The following AGAP1 variants were observed in gnomAD, a reference collection of about 807,000 sequenced individuals.
AGAP1 encodes the protein ArfGAP with GTPase domain, ankyrin repeat and PH domain 1.
AGAP1 carries 29 observed loss-of-function variants against 105.3 expected under a neutral mutation model. The ratio of observed to expected loss-of-function variants is 0.28; its 90% confidence interval spans 0.21 to 0.38. The LOEUF is 0.38. Among genes scored for constraint, AGAP1 ranks in the 10% least tolerant of loss-of-function variants. The pLI, the probability that AGAP1 is intolerant of heterozygous loss-of-function variation, is 1.00. For synonymous variants in AGAP1, 509 were observed against 485.9 expected, an observed-to-expected ratio of 1.05 and a Z score of -0.63; for missense variants, 998 against 1,165.1, an observed-to-expected ratio of 0.86 and a Z score of 2.09.
intron 1 of AGAP1, among the ~76,000 whole-genome samples, chr2:235,532,384 T>C (rs1258336324): frequency 6.6e-6 from 1 of 152,146 alleles, no homozygotes; most frequent in East Asian, 1.9e-4. Context: ...ACCTAGCTAA[T>C]TTTTGTATTT....
rs545178110 is a variant in AGAP1, at chr2:235,551,093, A to C, written c.163+56244A>C. On this transcript the variant is annotated intron_variant, in intron 1 of 17. Transcript: ENST00000304032. The surrounding 1 kb of genome is among the most constrained non-coding windows in gnomAD (Gnocchi z 4.8). The stretch of plus-strand genomic sequence containing the variant: ...TCGGCCATAGATAGTGTTTCTTAAG[A>C]GTGAGTTTGCTTCTGAGGAAGAGAA... Among the ~76,000 whole-genome samples, 1 of 152,128 alleles carries C rather than the reference A, an allele frequency of 6.6e-6. No individual in the cohort carries two copies. Among genetic ancestry groups the C allele is most frequent in the East Asian group, 2.0e-4 (1 of 5,124 alleles).
At position 235,908,403 on chromosome 2, in the gene AGAP1, G is replaced by A. The variant is rs1275724604; in HGVS notation, c.1156-335G>A. Among the ~76,000 whole-genome samples, 2 of 152,156 alleles carry A rather than the reference G, an allele frequency of 1.3e-5. No individual in the cohort carries two copies. Among genetic ancestry groups the A allele is most frequent in the Non-Finnish European group, 2.9e-5 (2 of 68,028 alleles). On this transcript the variant is annotated intron_variant, in intron 10 of 17. Coordinates refer to ENST00000304032, the MANE Select transcript of AGAP1 (RefSeq NM_001037131.3). This position sits in a 1 kb window ranked among gnomAD's most constrained non-coding sequence, Gnocchi z 4.4. ...ATTTTACTTGGAATTTATAGGAGGAGCCTAATGTACCCTCTGATAAGCAAG... is the reference window on the plus strand; with the variant it reads ...ATTTTACTTGGAATTTATAGGAGGAACCTAATGTACCCTCTGATAAGCAAG...
At chr2:235,933,389 C>T (rs2052820584) in intron 12 of AGAP1, among the ~76,000 whole-genome samples, 1 of 152,072 alleles carries the variant, frequency 6.6e-6, no homozygotes, top group Non-Finnish European at 1.5e-5. Context: ...TGTTGAGAGC[C>T]CAGCACTGCC....
At chr2:235,968,870 G>A (rs1328252191) in intron 13 of AGAP1, among the ~76,000 whole-genome samples, 2 of 152,114 alleles carry the variant, frequency 1.3e-5, no homozygotes, top group Admixed American at 6.5e-5. Context: ...TAGCGGGTAG[G>A]AGTGCTGGTC....
At chr2:235,870,651 G>A (rs2106560128) in intron 9 of AGAP1, among the ~76,000 whole-genome samples, 1 of 152,172 alleles carries the variant, frequency 6.6e-6, no homozygotes, top group South Asian at 2.1e-4. Context: ...TGATGGAGAG[G>A]GACAAGAGAC....
chr2:236,057,735 A>T (rs944392500), intron 16 of AGAP1, among the ~76,000 whole-genome samples: 1 of 152,228 alleles, frequency 6.6e-6, no homozygotes, highest in Non-Finnish European at 1.5e-5. Context: ...CATGGCCAGC[A>T]TCTTCTGCCA....
intron 16 of AGAP1, among the ~76,000 whole-genome samples, chr2:236,052,682 T>C (rs994639325): frequency 1.3e-5 from 2 of 152,144 alleles, no homozygotes; most frequent in Non-Finnish European, 2.9e-5. Context: ...AAAAAAATCT[T>C]TTTGGATGGA....
intron 1 of AGAP1, among the ~76,000 whole-genome samples, chr2:235,563,390 C>A (rs1057036649): frequency 2.0e-5 from 3 of 152,194 alleles, no homozygotes; most frequent in Admixed American, 2.0e-4. Context: ...GCCCAGGTGA[C>A]CCCCTGAGAA....
In AGAP1 at chr2:235,660,387, G is replaced by A. The variant is rs964422361; in HGVS notation, c.164-48792G>A. Among the ~76,000 whole-genome samples, 1 of 152,178 alleles carries A rather than the reference G, an allele frequency of 6.6e-6. No homozygotes were observed. Among genetic ancestry groups the A allele is most frequent in the Admixed American group, 6.5e-5 (1 of 15,280 alleles). Reference sequence around the variant, plus strand: ...CTGAGGCATTACCTGCACTGATTAAGTCAACCATCAAGCAGCATTTATTAA... The same window carrying A: ...CTGAGGCATTACCTGCACTGATTAAATCAACCATCAAGCAGCATTTATTAA... On this transcript the variant is annotated intron_variant, in intron 1 of 17. Transcript: ENST00000304032. The surrounding 1 kb of genome is among the most constrained non-coding windows in gnomAD (Gnocchi z 5.3).
In AGAP1 at chr2:236,121,587, C is replaced by G. The variant is rs1576353483; in HGVS notation, c.2370+1140C>G. ...GTGCTGGGAGTACAGGCATGACCCA[C>G]CACGCCCAGCCTTGATCTGACTTTT... On this transcript the variant is annotated intron_variant, in intron 17 of 17. Transcript: ENST00000304032. This position sits in a 1 kb window ranked among gnomAD's most constrained non-coding sequence, Gnocchi z 4.9. 6.6e-6 allele frequency among the ~76,000 whole-genome samples: 1 copy of G among 152,148 alleles called. No individual in the cohort carries two copies. The highest frequency in any genetic ancestry group is 2.4e-5 in the African/African-American group (1 of 41,452).
chr2:235,657,602 G>T (rs1575056843), intron 1 of AGAP1, among the ~76,000 whole-genome samples: 1 of 152,044 alleles, frequency 6.6e-6, no homozygotes, highest in Non-Finnish European at 1.5e-5. Context: ...GGCTGGTCTC[G>T]AACTCCTGAC....
chr2:236,107,232 C>A (rs575766172), intron 16 of AGAP1, among the ~76,000 whole-genome samples: 1 of 152,168 alleles, frequency 6.6e-6, no homozygotes, highest in Non-Finnish European at 1.5e-5. Context: ...GCCCAGGGCC[C>A]CACAGCCAAC....
chr2:235,856,977 C>T (rs1263012521), intron 9 of AGAP1, among the ~76,000 whole-genome samples: 1 of 152,206 alleles, frequency 6.6e-6, no homozygotes, highest in Non-Finnish European at 1.5e-5. Flanking sequence ...CATGAAGACA[C>T]ACACACTCAG....
intron 1 of AGAP1, among the ~76,000 whole-genome samples, chr2:235,524,728 C>G (rs1057128634): frequency 5.3e-5 from 8 of 152,186 alleles, no homozygotes; most frequent in African/African-American, 1.9e-4. Context: ...CACATCACCC[C>G]TCTCTTTTAG....
intron 13 of AGAP1, among the ~76,000 whole-genome samples, chr2:236,017,889 A>G (rs2056760029): frequency 1.3e-5 from 2 of 152,204 alleles, no homozygotes; most frequent in Non-Finnish European, 2.9e-5. Flanking sequence ...ACAAGCTAGC[A>G]TGTTCCAGAG....
chr2:236,017,927 T>C (rs1403222299), intron 13 of AGAP1, among the ~76,000 whole-genome samples: 1 of 152,204 alleles, frequency 6.6e-6, no homozygotes, highest in Non-Finnish European at 1.5e-5. Context: ...ATCTCTTGAC[T>C]GTGGGACCTG....
intron 16 of AGAP1, among the ~76,000 whole-genome samples, chr2:236,102,585 TAAAAAAAAAAAA>T (rs372649210): frequency 7.4e-6 from 1 of 134,560 alleles, no homozygotes; most frequent in Non-Finnish European, 1.6e-5. Flanking sequence ...GAGAGACTGT[TAAAAAAAAAAAA>T]AAAAGAAAGA....
intron 12 of AGAP1, among the ~76,000 whole-genome samples, chr2:235,966,338 A>G (rs1411782113): frequency 6.6e-6 from 1 of 150,868 alleles, no homozygotes; most frequent in Non-Finnish European, 1.5e-5. Flanking sequence ...GAGAGAGGGG[A>G]GCCTGTTCCT....
chr2:235,819,892 TC>T (rs1958688209), intron 9 of AGAP1, among the ~76,000 whole-genome samples: 1 of 143,862 alleles, frequency 7.0e-6, no homozygotes, highest in Non-Finnish European at 1.5e-5. Flanking sequence ...CTTTTTTTTT[TC>T]TTCTTTCTTT....
Sources: gnomAD v4.1 joint callset for allele counts (sites outside exome capture counted in the v4.1 genomes callset) on GRCh38, gnomAD v4.1.1 for gene constraint, Gnocchi (gnomAD v3.1) non-coding constraint, MANE v1.5 for transcripts, NCBI Gene and HGNC (gene_info 2026-07-23, HGNC 2026-07-21) for gene names.